Variants in GABRB1 observed in about 807,000 individuals in gnomAD.
The protein encoded by GABRB1 is gamma-aminobutyric acid type A receptor subunit beta1, also known as gamma-aminobutyric acid receptor subunit beta-1.
GABRB1 carries 17 observed loss-of-function variants against 51.6 expected under a neutral mutation model. That is an observed-to-expected ratio of 0.33 (90% CI 0.23 to 0.49). The LOEUF (loss-of-function observed/expected upper bound fraction) is 0.49. GABRB1 is among the 20% of genes least tolerant of loss of function. The pLI, the probability that GABRB1 is intolerant of heterozygous loss-of-function variation, is 0.99. For synonymous variants in GABRB1, 247 were observed against 218.9 expected (o/e 1.13, Z -1.14); for missense variants, 410 against 600.6 (o/e 0.68, Z 3.32).
intron 3 of GABRB1, among the ~76,000 whole-genome samples, chr4:47,123,752 T>A (rs1715954528): frequency 1.2e-5 from 1 of 85,720 alleles, no homozygotes; most frequent in Non-Finnish European, 2.0e-5. Flanking sequence ...ATATATATAA[T>A]ATATTATAAT....
intron 4 of GABRB1, among the ~76,000 whole-genome samples, chr4:47,256,851 G>C (rs999645534): frequency 6.6e-6 from 1 of 152,084 alleles, no homozygotes; most frequent in Non-Finnish European, 1.5e-5. Context: ...ATTAGATTTG[G>C]ACGTGGACAC....
At position 47,398,565 on chromosome 4, in the gene GABRB1, G is replaced by T. The variant is rs556605544; in HGVS notation, c.545-4753G>T. Among the ~76,000 whole-genome samples the T allele has an allele frequency of 5.0e-3, 763 of 151,446 alleles. 6 individuals are homozygous for T. Among genetic ancestry groups the T allele is most frequent in the African/African-American group, 0.015 (612 of 41,254 alleles). On this transcript the variant is annotated intron_variant, in intron 5 of 8. Coordinates refer to ENST00000295454, the MANE Select transcript of GABRB1 (RefSeq NM_000812.4). ...ATATCTTCTCATATATATAGAGAGA[G>T]AGAGAGAGAGAGACAGAGAGAGAGA...
At chr4:47,337,419 G>T (rs184200502) in intron 5 of GABRB1, among the ~76,000 whole-genome samples, 1 of 152,080 alleles carries the variant, frequency 6.6e-6, no homozygotes, top group Admixed American at 6.6e-5. Context: ...TGAGGATATG[G>T]GGATTTTACT....
intron 4 of GABRB1, among the ~76,000 whole-genome samples, chr4:47,233,676 A>T (rs1428594741): frequency 6.6e-6 from 1 of 152,182 alleles, no homozygotes; most frequent in Admixed American, 6.5e-5. Context: ...GTCAGTTCAT[A>T]TCACTAGACT....
At chr4:47,425,610 C>G in intron 8 of GABRB1, 64 bp from the exon 9 acceptor site, 2 of 1,241,330 alleles carry the variant, frequency 1.6e-6, no homozygotes, top group Non-Finnish European at 1.1e-6. Context: ...TCATTAGTAA[C>G]AGGTTAATGA....
intron 8 of GABRB1, among the ~76,000 whole-genome samples, chr4:47,419,641 G>A (rs1443710728): frequency 2.0e-5 from 3 of 152,214 alleles, no homozygotes; most frequent in South Asian, 2.1e-4. Flanking sequence ...GGGCCATGAT[G>A]TTCTATTGCT....
Position 47,256,654 on chromosome 4 carries a change from A to C in GABRB1, c.462-63473A>C, listed in dbSNP as rs187896162. On this transcript the variant is annotated intron_variant, in intron 4 of 8. Transcript: ENST00000295454. The stretch of plus-strand genomic sequence containing the variant: ...CAATCATGGTAGAAGGCAAAGGAGA[A>C]GCAGGCATATTTTCACATGGTGGAG... Among the ~76,000 whole-genome samples, 4 of 152,332 alleles carry C rather than the reference A, an allele frequency of 2.6e-5. No homozygotes were observed. The East Asian group carries it at 7.7e-4, about 29-fold the overall frequency.
intron 5 of GABRB1, among the ~76,000 whole-genome samples, chr4:47,357,154 G>T (rs1378785287): frequency 6.6e-6 from 1 of 152,050 alleles, no homozygotes; most frequent in African/African-American, 2.4e-5. Flanking sequence ...ATTTTCATAG[G>T]CAGTAAAATA....
intron 4 of GABRB1, among the ~76,000 whole-genome samples, chr4:47,229,257 AACTTCCATTCAGTATTGTTAAAC>A: frequency 1.3e-5 from 2 of 152,270 alleles, no homozygotes; most frequent in East Asian, 3.9e-4. Context: ...ATGAATGTTG[AACTTCCATTCAGTATTGTTAAAC>A]TTCAGTTCAG....
In GABRB1 at chr4:47,032,673, A is replaced by G. The variant is rs575390368; in HGVS notation, c.240+189A>G. 6.5e-5 allele frequency: 47 copies of G among 718,610 alleles called. No individual in the cohort carries two copies. In the African/African-American group the frequency reaches 7.8e-4, roughly 12 times the overall value. The allele number at this position is 718,610 out of a possible 1,614,324, so 44.5% of individuals were successfully genotyped here. ...TTTGTAATTTCGACACACACGGGCT[A>G]CTGCGGTGTTCCAGGGGAAACGTGC... On this transcript the variant is annotated intron_variant, in intron 3 of 8. Transcript: ENST00000295454.
At chr4:47,062,896 C>G (rs1351914498) in intron 3 of GABRB1, among the ~76,000 whole-genome samples, 1 of 152,166 alleles carries the variant, frequency 6.6e-6, no homozygotes, top group Non-Finnish European at 1.5e-5. Context: ...CCACCCAAAA[C>G]CAAGCCATAC....
At chr4:47,356,325 C>T (rs1047723938) in intron 5 of GABRB1, among the ~76,000 whole-genome samples, 10 of 152,134 alleles carry the variant, frequency 6.6e-5, no homozygotes, top group African/African-American at 1.4e-4. Context: ...TTTCATGATA[C>T]AAAATTTTTC....
chr4:47,352,937 A>T (rs548547687), intron 5 of GABRB1, among the ~76,000 whole-genome samples: 1 of 152,324 alleles, frequency 6.6e-6, no homozygotes, highest in South Asian at 2.1e-4. Flanking sequence ...CATGCTGCTG[A>T]TAAAGACATA....
At chr4:47,097,816 C>T (rs190588178) in intron 3 of GABRB1, among the ~76,000 whole-genome samples, 1 of 152,246 alleles carries the variant, frequency 6.6e-6, no homozygotes, top group East Asian at 1.9e-4. Flanking sequence ...TTAAAAACAG[C>T]ATATAGCTCC....
intron 4 of GABRB1, among the ~76,000 whole-genome samples, chr4:47,295,973 A>G (rs553310855): frequency 1.3e-5 from 2 of 152,112 alleles, no homozygotes; most frequent in Non-Finnish European, 1.5e-5. Context: ...TAAAGAAAAG[A>G]ATTTTCAACC....
At chr4:47,199,580 C>T (rs1331890467) in intron 4 of GABRB1, among the ~76,000 whole-genome samples, 2 of 152,070 alleles carry the variant, frequency 1.3e-5, no homozygotes. Flanking sequence ...AGACAGAGGA[C>T]AAAATGAAAG....
intron 4 of GABRB1, among the ~76,000 whole-genome samples, chr4:47,257,331 G>A (rs775071068): frequency 7.9e-5 from 12 of 152,090 alleles, no homozygotes; most frequent in East Asian, 5.8e-4. Context: ...CTCCCTCATA[G>A]GCTCCTTACA....
intron 4 of GABRB1, among the ~76,000 whole-genome samples, chr4:47,260,043 C>T (rs969767062): frequency 6.6e-6 from 1 of 152,086 alleles, no homozygotes; most frequent in Non-Finnish European, 1.5e-5. Context: ...GGATAGTTAG[C>T]TCTTCTTGTT....
intron 3 of GABRB1, among the ~76,000 whole-genome samples, chr4:47,128,668 G>A (rs1490838961): frequency 6.6e-6 from 1 of 151,916 alleles, no homozygotes; most frequent in East Asian, 1.9e-4. Flanking sequence ...ATATTTCAGA[G>A]AGTTATAATA....
Sources: allele counts gnomAD v4.1 joint callset (sites outside exome capture counted in the v4.1 genomes callset), GRCh38; gene constraint gnomAD v4.1.1; transcripts MANE v1.5; gene names NCBI Gene and HGNC (gene_info 2026-07-23, HGNC 2026-07-21).